Variants in ZNF536 observed in about 807,000 individuals in gnomAD.
ZNF536 encodes zinc finger protein 536.
A neutral mutation model predicts 84.5 loss-of-function variants in ZNF536; 13 were observed. The ratio of observed to expected loss-of-function variants is 0.15; its 90% CI spans 0.10 to 0.24. The LOEUF is 0.24. ZNF536 is among the 10% of genes least tolerant of loss of function. The pLI, the probability that ZNF536 is intolerant of heterozygous loss-of-function variation, is 1.00. For missense variants in ZNF536, 1,536 were observed against 1,747.5 expected (o/e 0.88, Z 2.16); for synonymous variants, 811 against 742.5 (o/e 1.09, Z -1.50).
intron 1 of ZNF536, among the ~76,000 whole-genome samples, chr19:30,420,661 T>C (rs1252858474): frequency 1.3e-5 from 2 of 151,880 alleles, no homozygotes; most frequent in Non-Finnish European, 2.9e-5. Context: ...AATCCTAAAT[T>C]CTCTTTTTTT....
intron 2 of ZNF536, among the ~76,000 whole-genome samples, chr19:30,295,742 G>A (rs1240211415): frequency 6.6e-6 from 1 of 152,132 alleles, no homozygotes; most frequent in Non-Finnish European, 1.5e-5. Context: ...AAAAAATGTG[G>A]GTAGAAAAAA....
At chr19:30,350,989 G>A (rs928884088) in intron 2 of ZNF536, among the ~76,000 whole-genome samples, 2 of 152,312 alleles carry the variant, frequency 1.3e-5, no homozygotes, top group African/African-American at 4.8e-5. Flanking sequence ...TCTGTGCCCT[G>A]TGGACAAAAG....
chr19:30,359,261 G>A (rs1485254202), intron 3 of ZNF536, among the ~76,000 whole-genome samples: 1 of 152,230 alleles, frequency 6.6e-6, no homozygotes, highest in Non-Finnish European at 1.5e-5. Context: ...CTGAGCACAG[G>A]GGCAGACACA....
intron 1 of ZNF536, among the ~76,000 whole-genome samples, chr19:30,390,324 C>T (rs2049530665): frequency 6.6e-6 from 1 of 152,180 alleles, no homozygotes; most frequent in East Asian, 1.9e-4. Flanking sequence ...TGTTAATAAG[C>T]TCGCATGCTG....
At chr19:30,634,554 TC>T (rs1215741270) in intron 1 of ZNF536, among the ~76,000 whole-genome samples, 1 of 152,100 alleles carries the variant, frequency 6.6e-6, no homozygotes, top group Non-Finnish European at 1.5e-5. Context: ...GTCGGAGCAG[TC>T]CCTCAAGGGC....
At chr19:30,590,649 G>T (rs2047245289) in intron 1 of ZNF536, among the ~76,000 whole-genome samples, 1 of 152,210 alleles carries the variant, frequency 6.6e-6, no homozygotes. Flanking sequence ...TTCAGTTCCA[G>T]GAGGAGTGGA....
intron 2 of ZNF536, among the ~76,000 whole-genome samples, chr19:30,326,400 G>T (rs1465412471): frequency 6.6e-6 from 1 of 152,178 alleles, no homozygotes; most frequent in African/African-American, 2.4e-5. Context: ...GCTAATTTGG[G>T]GCTGAGTGTC....
upstream of ZNF536, among the ~76,000 whole-genome samples, chr19:30,370,312 A>G (rs940708787): frequency 1.3e-5 from 2 of 152,126 alleles, no homozygotes; most frequent in African/African-American, 4.8e-5. Flanking sequence ...GTGCTGGGGT[A>G]TTACGTATTT....
chr19:30,638,526 T>A (rs759731149), intron 1 of ZNF536, among the ~76,000 whole-genome samples: 4 of 152,154 alleles, frequency 2.6e-5, no homozygotes, highest in Non-Finnish European at 5.9e-5. Context: ...CAACCAGATC[T>A]CAGGATAACT....
At chr19:30,252,294 TA>T (rs1310205757) in intron 1 of ZNF536, among the ~76,000 whole-genome samples, 2 of 152,184 alleles carry the variant, frequency 1.3e-5, no homozygotes, top group Non-Finnish European at 2.9e-5. Flanking sequence ...ACTTCCACTT[TA>T]AAAAATATCT....
At chr19:30,343,246 T>G (rs2047622364) in intron 2 of ZNF536, among the ~76,000 whole-genome samples, 1 of 152,210 alleles carries the variant, frequency 6.6e-6, no homozygotes, top group Non-Finnish European at 1.5e-5. Context: ...TTATAAACAG[T>G]GTCGGCTTCA....
At chr19:30,535,602 T>C (rs1410277538) in intron 3 of ZNF536, among the ~76,000 whole-genome samples, 1 of 152,078 alleles carries the variant, frequency 6.6e-6, no homozygotes, top group African/African-American at 2.4e-5. Context: ...TGCACCCCTC[T>C]GGCCATTTCT....
chr19:30,668,297 T>C (rs368990074), intron 1 of ZNF536, among the ~76,000 whole-genome samples: 217 of 152,188 alleles, frequency 1.4e-3, no homozygotes, highest in African/African-American at 5.0e-3. Flanking sequence ...GGGGGTGTGA[T>C]TGACTTTCTT....
intron 1 of ZNF536, among the ~76,000 whole-genome samples, chr19:30,609,973 TTCATTCAA>T (rs2048043509): frequency 6.6e-6 from 1 of 151,806 alleles, no homozygotes; most frequent in Admixed American, 6.6e-5. Flanking sequence ...TATCCATCCA[TTCATTCAA>T]CCATCCACCC....
chr19:30,287,191 A>C (rs573134950), intron 2 of ZNF536, among the ~76,000 whole-genome samples: 7 of 128,118 alleles, frequency 5.5e-5, no homozygotes, highest in African/African-American at 1.8e-4. Flanking sequence ...AGATGGATGG[A>C]TGGGAGGATG....
chr19:30,528,306 A>C (rs1416782473), intron 2 of ZNF536, among the ~76,000 whole-genome samples: 2 of 152,162 alleles, frequency 1.3e-5, no homozygotes, highest in Non-Finnish European at 2.9e-5. Context: ...AGTTGGGATG[A>C]AGCGAGAACC....
At chr19:30,666,174 C>T (rs770741466) in intron 1 of ZNF536, among the ~76,000 whole-genome samples, 11 of 152,206 alleles carry the variant, frequency 7.2e-5, no homozygotes, top group Non-Finnish European at 1.5e-4. Context: ...TTGCTGATCA[C>T]GGCTCACCTG....
rs895168919 is a variant in ZNF536 at position 30,610,795 on chromosome 19, A to T, written c.169+61281A>T. 1.3e-5 allele frequency among the ~76,000 whole-genome samples: 2 copies of T among 152,192 alleles called. 1 individual carries two copies. Among genetic ancestry groups the T allele is most frequent in the Admixed American group, 1.3e-4 (2 of 15,278 alleles). ...GGGTGGGGGGGATGAGGACTCAGAC[A>T]TGCAAGGCCACACCCAGAGAGAGCT... On this transcript the variant is annotated intron_variant, in intron 1 of 1. Coordinates refer to the ZNF536 transcript ENST00000592773.
chr19:30,408,951 A>G (rs2050375158), intron 1 of ZNF536, among the ~76,000 whole-genome samples: 1 of 150,866 alleles, frequency 6.6e-6, no homozygotes, highest in African/African-American at 2.4e-5. Flanking sequence ...CCATTCATCC[A>G]TCTATCCACC....
Sources: gnomAD v4.1 joint callset for allele counts (sites outside exome capture counted in the v4.1 genomes callset) on GRCh38, gnomAD v4.1.1 for gene constraint, MANE v1.5 for transcripts, NCBI Gene and HGNC (gene_info 2026-07-23, HGNC 2026-07-21) for gene names.